RARB: variants seen among roughly 807,000 people sequenced by gnomAD.
RARB encodes the protein HBV-activated protein.
Under a neutral mutation model 51.9 loss-of-function variants are expected in RARB, and 17 were observed. That is an observed-to-expected ratio of 0.33 (90% CI 0.22 to 0.49). RARB has a LOEUF of 0.49. Among genes scored for constraint, RARB ranks in the 20% least tolerant of loss-of-function variants. The pLI, the probability that RARB is intolerant of heterozygous loss-of-function variation, is 0.99. For synonymous variants in RARB, 215 were observed against 195.4 expected (o/e 1.10, Z -0.84); for missense variants, 369 against 550.8 (o/e 0.67, Z 3.30).
intron 2 of RARB, among the ~76,000 whole-genome samples, chr3:24,980,211 T>C (rs1206487988): frequency 1.3e-5 from 2 of 152,340 alleles, no homozygotes; most frequent in East Asian, 3.9e-4. Flanking sequence ...ATTTTTTTCC[T>C]TCATTTCAAC....
At chr3:25,202,875 T>A (rs1268261513) in intron 5 of RARB, among the ~76,000 whole-genome samples, 1 of 152,234 alleles carries the variant, frequency 6.6e-6, no homozygotes, top group African/African-American at 2.4e-5. Flanking sequence ...AATTTTGGAA[T>A]AACTGCAATG....
At chr3:24,973,925 A>G (rs1344272947) in intron 2 of RARB, among the ~76,000 whole-genome samples, 2 of 151,970 alleles carry the variant, frequency 1.3e-5, no homozygotes, top group Non-Finnish European at 2.9e-5. Flanking sequence ...CTCCTTTCCA[A>G]TTTGGGTGCC....
At position 25,501,198 on chromosome 3, in the gene RARB, G is replaced by T; in HGVS notation, c.323G>T (p.Ser108Ile). The T allele has an allele frequency of 6.3e-7, 1 of 1,585,260 alleles. No homozygotes were observed. Among genetic ancestry groups the T allele is most frequent in the Non-Finnish European group, 8.5e-7 (1 of 1,171,398 alleles). Residue 108 changes from serine to isoleucine, a missense_variant, in exon 3 of 8, where the codon AGT becomes ATT. This residue lies in a region of RARB where 26 missense variants were observed against 28.8 expected (regional missense o/e 0.90). Transcript: ENST00000330688. ...TGCTTGCAGGGCTTTTTCCGCAGAA[G>T]TATTCAGAAGAATATGATTTACACT... ...CEGCKGFFRR[S>I]IQKNMIYTCH...
At chr3:25,517,274 GA>G in intron 3 of RARB, among the ~76,000 whole-genome samples, 1 of 152,064 alleles carries the variant, frequency 6.6e-6, no homozygotes, top group East Asian at 1.9e-4. Context: ...AAAGTAATGT[GA>G]AAAAAATGAC....
chr3:24,858,928 T>A (rs1242503162), intron 2 of RARB, among the ~76,000 whole-genome samples: 1 of 150,372 alleles, frequency 6.7e-6, no homozygotes, highest in Non-Finnish European at 1.5e-5. Context: ...TCCCAGCTAC[T>A]CGGGAGGTTG....
intron 2 of RARB, among the ~76,000 whole-genome samples, chr3:24,862,147 G>T (rs1420020977): frequency 6.6e-6 from 1 of 152,168 alleles, no homozygotes; most frequent in East Asian, 1.9e-4. Flanking sequence ...CTGGAAATAG[G>T]AAAAATGAAG....
intron 5 of RARB, among the ~76,000 whole-genome samples, chr3:25,233,715 G>T (rs1196165639): frequency 1.3e-5 from 2 of 150,376 alleles, no homozygotes; most frequent in African/African-American, 4.9e-5. Context: ...CCTTTATTTG[G>T]GTAAGAGAAT....
At chr3:25,214,306 A>T (rs990934591) in intron 5 of RARB, among the ~76,000 whole-genome samples, 1 of 152,172 alleles carries the variant, frequency 6.6e-6, no homozygotes, top group South Asian at 2.1e-4. Flanking sequence ...ACTTGAGCAA[A>T]TGAGCTGCAT....
intron 3 of RARB, among the ~76,000 whole-genome samples, chr3:25,095,369 G>A (rs1445065312): frequency 6.6e-6 from 1 of 152,122 alleles, no homozygotes; most frequent in Non-Finnish European, 1.5e-5. Flanking sequence ...GCACCATCTG[G>A]GAACTTCTTA....
At chr3:25,570,875 A>G (rs1700680142) in intron 4 of RARB, among the ~76,000 whole-genome samples, 2 of 151,986 alleles carry the variant, frequency 1.3e-5, no homozygotes, top group South Asian at 4.2e-4. Flanking sequence ...GGCTTGGTGA[A>G]TGGTGTTCTA....
chr3:25,515,530 A>G (rs188340534), intron 3 of RARB, among the ~76,000 whole-genome samples: 1 of 152,244 alleles, frequency 6.6e-6, no homozygotes, highest in Non-Finnish European at 1.5e-5. Flanking sequence ...GAACAAACCC[A>G]TATGTCTGTC....
chr3:24,978,809 G>T (rs1361072910), intron 2 of RARB, among the ~76,000 whole-genome samples: 1 of 150,616 alleles, frequency 6.6e-6, no homozygotes. Context: ...GAATTTGTTT[G>T]CTCTTGCTTC....
chr3:25,355,783 A>G (rs1041045004), intron 5 of RARB, among the ~76,000 whole-genome samples: 2 of 152,126 alleles, frequency 1.3e-5, no homozygotes, highest in Non-Finnish European at 2.9e-5. Context: ...GAATCACAAG[A>G]TCCATTTTAG....
chr3:25,458,982 C>T (rs1695042197), intron 1 of RARB, among the ~76,000 whole-genome samples: 1 of 152,134 alleles, frequency 6.6e-6, no homozygotes. Flanking sequence ...CTGCCATGTG[C>T]CAGGACCTCT....
intron 5 of RARB, among the ~76,000 whole-genome samples, chr3:25,363,046 T>TA (rs201384022): frequency 0.022 from 3,298 of 151,120 alleles, 92 homozygotes; most frequent in African/African-American, 0.065. Context: ...ATAGGAGCTT[T>TA]AAAAAAAAAG....
chr3:25,024,945 C>A (rs1428746411), intron 2 of RARB: 1 of 110,960 alleles, frequency 9.0e-6, no homozygotes, highest in African/African-American at 3.4e-5. Context: ...CAGAGTGAGA[C>A]TCCGTCTCAA....
intron 3 of RARB, among the ~76,000 whole-genome samples, chr3:25,107,748 G>A (rs557337694): frequency 1.3e-5 from 2 of 152,256 alleles, no homozygotes; most frequent in South Asian, 4.1e-4. Context: ...GTAATAAAAT[G>A]TATCACAAAT....
At chr3:24,987,186 A>G (rs1284250149) in intron 2 of RARB, among the ~76,000 whole-genome samples, 1 of 152,226 alleles carries the variant, frequency 6.6e-6, no homozygotes, top group African/African-American at 2.4e-5. Context: ...TTATTAAGGA[A>G]GATAAACTTA....
intron 2 of RARB, among the ~76,000 whole-genome samples, chr3:24,956,118 G>C (rs1268225407): frequency 6.6e-6 from 1 of 152,078 alleles, no homozygotes; most frequent in Non-Finnish European, 1.5e-5. Context: ...TTGGTTCTGA[G>C]GCTCATTTCT....
Sources: allele counts gnomAD v4.1 joint callset (sites outside exome capture counted in the v4.1 genomes callset), GRCh38; gene constraint gnomAD v4.1.1; regional missense constraint gnomAD v4.1.1; transcripts MANE v1.5; gene names NCBI Gene and HGNC (gene_info 2026-07-23, HGNC 2026-07-21).